ORC5: variants seen among roughly 807,000 people sequenced by gnomAD.
The protein encoded by ORC5 is origin recognition complex subunit 5, also known as protein phosphatase 1, regulatory subunit 117.
A neutral mutation model predicts 58.8 loss-of-function variants in ORC5; 39 were observed. The observed-to-expected ratio is 0.66, with a 90% CI of 0.51 to 0.87. The LOEUF is 0.87. ORC5 is among the 40% of genes least tolerant of loss of function. The pLI is 0.00. For missense variants in ORC5, 493 were observed against 506.3 expected (o/e 0.97, Z 0.25); for synonymous variants, 218 against 177.6 (o/e 1.23, Z -1.81).
intron 12 of ORC5, among the ~76,000 whole-genome samples, chr7:104,151,275 A>T (rs1213403676): frequency 3.3e-5 from 5 of 152,196 alleles, no homozygotes; most frequent in Non-Finnish European, 7.3e-5. Flanking sequence ...GACCGTATGG[A>T]TGATGAACCA....
intron 3 of ORC5, 36 bp from the exon 4 acceptor site, chr7:104,197,835 C>G (rs1799839643): frequency 7.5e-7 from 1 of 1,327,198 alleles, no homozygotes. Context: ...AAAAGAAATG[C>G]ATTTACAAAG....
At chr7:104,169,674 T>C (rs559733308) in intron 8 of ORC5, among the ~76,000 whole-genome samples, 23 of 152,314 alleles carry the variant, frequency 1.5e-4, no homozygotes, top group African/African-American at 5.5e-4. Flanking sequence ...GTGGAAGTGA[T>C]AAGGATGAGT....
chr7:104,161,299 C>T (rs887886522), intron 11 of ORC5, 117 bp from the exon 12 acceptor site: 19 of 581,202 alleles, frequency 3.3e-5, no homozygotes, highest in African/African-American at 1.5e-4. Flanking sequence ...CCTAAAAATG[C>T]TAACAAATCT....
chr7:104,202,772 C>T (rs1456310373), intron 2 of ORC5, among the ~76,000 whole-genome samples: 1 of 152,182 alleles, frequency 6.6e-6, no homozygotes, highest in African/African-American at 2.4e-5. Context: ...AGTATATAGC[C>T]CAGGCATATG....
At chr7:104,146,842 T>C (rs1166521367) in intron 12 of ORC5, among the ~76,000 whole-genome samples, 1 of 152,138 alleles carries the variant, frequency 6.6e-6, no homozygotes, top group Non-Finnish European at 1.5e-5. Context: ...ATCAGTAGAT[T>C]GCATTAATGT....
At chr7:104,205,964 T>C in intron 1 of ORC5, among the ~76,000 whole-genome samples, 1 of 152,164 alleles carries the variant, frequency 6.6e-6, no homozygotes. Context: ...GCCAAGATCA[T>C]GCCACTGCAC....
chr7:104,205,703 T>C (rs148950938), intron 1 of ORC5, among the ~76,000 whole-genome samples: 5 of 152,304 alleles, frequency 3.3e-5, no homozygotes, highest in African/African-American at 1.2e-4. Flanking sequence ...TATGTAACAA[T>C]CATAAATTAA....
chr7:104,190,821 TTTTG>T (rs1051343327), intron 5 of ORC5, among the ~76,000 whole-genome samples: 4 of 152,066 alleles, frequency 2.6e-5, no homozygotes, highest in Non-Finnish European at 5.9e-5. Flanking sequence ...GTCAATTTCC[TTTTG>T]TTTAAGGTTC....
chr7:104,154,791 C>T (rs1472791333), intron 12 of ORC5, among the ~76,000 whole-genome samples: 1 of 151,784 alleles, frequency 6.6e-6, no homozygotes, highest in African/African-American at 2.4e-5. Context: ...TTAACAACGT[C>T]TCCTCTTTAG....
At chr7:104,197,189 G>C (rs1799819980) in intron 4 of ORC5, among the ~76,000 whole-genome samples, 2 of 152,098 alleles carry the variant, frequency 1.3e-5, no homozygotes, top group African/African-American at 2.4e-5. Flanking sequence ...TGATGCTGAA[G>C]GTAAGGAAGA....
At chr7:104,197,510 C>T (rs1179941039) in intron 4 of ORC5, among the ~76,000 whole-genome samples, 1 of 152,054 alleles carries the variant, frequency 6.6e-6, no homozygotes, top group Non-Finnish European at 1.5e-5. Context: ...TTCATAATTA[C>T]AGAGAAAAAG....
chr7:104,199,792 G>A (rs1451505711), intron 3 of ORC5, among the ~76,000 whole-genome samples: 4 of 152,172 alleles, frequency 2.6e-5, no homozygotes, highest in South Asian at 2.1e-4. Flanking sequence ...ATGTGAAACC[G>A]ACATGAGATT....
At position 104,197,784 on chromosome 7, in the gene ORC5, C is replaced by A; in HGVS notation, c.382G>T (p.Glu128Ter). ...TTTGCTTCCATATCTCTTAGATACT[C>A]TGCTTTATCTAGAACCTTTAAAAAA... Reference protein sequence around the residue: ...QTVYIVLDKAEYLRDMEANLL... With the variant: ...QTVYIVLDKA Residue 128 changes from glutamate to a stop codon, truncating the protein, a stop_gained, in exon 4 of 14, where the codon GAG becomes TAG. Coordinates refer to ENST00000297431, the MANE Select transcript of ORC5 (RefSeq NM_002553.4). LOFTEE classifies it high-confidence loss of function. The A allele has an allele frequency of 6.3e-7, 1 of 1,582,710 alleles. No homozygotes were observed. The highest frequency in any genetic ancestry group is 1.2e-5 in the South Asian group (1 of 83,504).
chr7:104,141,688 TC>T (rs1481619112), intron 12 of ORC5, among the ~76,000 whole-genome samples: 3 of 151,912 alleles, frequency 2.0e-5, no homozygotes, highest in African/African-American at 7.3e-5. Flanking sequence ...CAATGAACTA[TC>T]AAAAAACGAA....
chr7:104,160,831 T>C (rs972615034), intron 12 of ORC5, among the ~76,000 whole-genome samples: 1 of 152,128 alleles, frequency 6.6e-6, no homozygotes, highest in South Asian at 2.1e-4. Flanking sequence ...ATTCCTTTAT[T>C]GAAAAAGAGC....
At chr7:104,155,200 C>T (rs1484065855) in intron 12 of ORC5, among the ~76,000 whole-genome samples, 1 of 151,642 alleles carries the variant, frequency 6.6e-6, no homozygotes, top group Non-Finnish European at 1.5e-5. Flanking sequence ...CAAGTGTATC[C>T]ATAGTATCAT....
chr7:104,184,096 T>C, intron 7 of ORC5, 27 bp downstream of exon 7: 1 of 1,586,442 alleles, frequency 6.3e-7, no homozygotes, highest in South Asian at 1.1e-5. Flanking sequence ...TCAAAATAAA[T>C]ATTAATGAGT....
At chr7:104,165,929 G>T (rs1028631867) in intron 10 of ORC5, among the ~76,000 whole-genome samples, 1 of 152,072 alleles carries the variant, frequency 6.6e-6, no homozygotes, top group Non-Finnish European at 1.5e-5. Flanking sequence ...AGCCAGGCGT[G>T]GGGGCACACA....
At chr7:104,188,184 AC>A (rs2116003863) in intron 6 of ORC5, 66 bp downstream of exon 6, 1 of 1,090,378 alleles carries the variant, frequency 9.2e-7, no homozygotes, top group East Asian at 2.5e-5. Flanking sequence ...ACATATATAC[AC>A]ATATATGTAT....
Sources: allele counts gnomAD v4.1 joint callset (sites outside exome capture counted in the v4.1 genomes callset), GRCh38; gene constraint gnomAD v4.1.1; transcripts MANE v1.5; gene names NCBI Gene and HGNC (gene_info 2026-07-23, HGNC 2026-07-21).